The following TEX11 variants were observed in gnomAD, a reference collection of about 807,000 sequenced individuals.
TEX11 encodes testis-expressed protein 11.
TEX11 carries 7 observed loss-of-function variants against 84.4 expected under a neutral mutation model. That is an observed-to-expected ratio of 0.08 (90% CI 0.05 to 0.16). The LOEUF (loss-of-function observed/expected upper bound fraction) is 0.16, where lower values mean the gene tolerates loss of function less well. TEX11 is among the 10% of genes least tolerant of loss of function. The probability of loss-of-function intolerance (pLI) is 1.00; values close to 1 mark genes in which losing one functional copy is unlikely to be tolerated. For synonymous variants in TEX11, 264 were observed against 222.8 expected, an observed-to-expected ratio of 1.18 and a Z score of -1.64; for missense variants, 551 against 660.5, an observed-to-expected ratio of 0.83 and a Z score of 1.82.
At chrX:70,775,708 G>A (rs1187299044) in intron 9 of TEX11, among the ~76,000 whole-genome samples, 1 of 102,981 alleles carries the variant, frequency 9.7e-6, no homozygotes, top group East Asian at 3.3e-4. Flanking sequence ...GCTGAGGCAG[G>A]AGAATCGCCT....
intron 17 of TEX11, among the ~76,000 whole-genome samples, chrX:70,639,998 G>A (rs5980723): frequency 0.2 from 21,171 of 108,497 alleles, 1,648 homozygotes; most frequent in African/African-American, 0.21. Context: ...TCAAACCAAA[G>A]GCAAAGAAGT....
intron 13 of TEX11, among the ~76,000 whole-genome samples, chrX:70,685,622 A>C (rs2090181907): frequency 1.8e-5 from 2 of 112,255 alleles, no homozygotes; most frequent in Admixed American, 1.9e-4. Flanking sequence ...GGACTATGTC[A>C]AACTAAAAAG....
intron 13 of TEX11, among the ~76,000 whole-genome samples, chrX:70,689,641 T>C (rs2090217659): frequency 8.9e-6 from 1 of 112,038 alleles, no homozygotes; most frequent in Admixed American, 9.5e-5. Context: ...AAAAATGTAG[T>C]ATTGAATTAT....
chrX:70,826,807 T>TG (rs2091349293), intron 8 of TEX11, among the ~76,000 whole-genome samples: 1 of 111,338 alleles, frequency 9.0e-6, no homozygotes, highest in Admixed American at 9.6e-5. Context: ...TGAAGTGCTC[T>TG]GGGGTCCTAC....
chrX:70,672,004 T>G, intron 15 of TEX11, among the ~76,000 whole-genome samples: 1 of 105,818 alleles, frequency 9.5e-6, no homozygotes, highest in Non-Finnish European at 1.9e-5. Flanking sequence ...ATCCAGTTCA[T>G]TCTGGTCTCT....
At chrX:70,825,202 C>T (rs1432011102) in intron 8 of TEX11, among the ~76,000 whole-genome samples, 1 of 110,037 alleles carries the variant, frequency 9.1e-6, no homozygotes, top group South Asian at 3.9e-4. Context: ...ATCCCAGCTA[C>T]TAGGGAGGCT....
At chrX:70,788,683 GAA>G (rs1343830526) in intron 9 of TEX11, among the ~76,000 whole-genome samples, 1 of 41,302 alleles carries the variant, frequency 2.4e-5, no homozygotes, top group African/African-American at 8.6e-5. Context: ...AATCTCTTGG[GAA>G]ACACACACAC....
chrX:70,554,363 T>C (rs1342967559), intron 26 of TEX11, among the ~76,000 whole-genome samples: 1 of 111,560 alleles, frequency 9.0e-6, no homozygotes, highest in African/African-American at 3.3e-5. Context: ...CAGAAAAAAT[T>C]TGAGCACCTA....
rs751724349 is a variant in TEX11, at chrX:70,601,743, C to T, written c.2067+3658G>A. Among the ~76,000 whole-genome samples the T allele has an allele frequency of 2.7e-3, 264 of 96,943 alleles. 3 individuals are homozygous for T. Among genetic ancestry groups the T allele is most frequent in the African/African-American group, 9.2e-3 (243 of 26,297 alleles). 84.2% of individuals were successfully genotyped at this position (96,943 alleles called of 115,157 possible). On this transcript the variant is annotated intron_variant, in intron 24 of 29. Transcript: ENST00000374333. The stretch of plus-strand genomic sequence containing the variant: ...ATTAGGGAGTGGTGATGACTCTTAA[C>T]GAGCATGCTGCCTTCAAGCATCTGT...
intron 9 of TEX11, among the ~76,000 whole-genome samples, chrX:70,760,406 C>T (rs1883053864): frequency 9.0e-6 from 1 of 111,326 alleles, no homozygotes; most frequent in Admixed American, 9.6e-5. Flanking sequence ...ATACTGGTAC[C>T]AAAACAGAGA....
At chrX:70,709,391 T>C (rs1212898083) in intron 13 of TEX11, among the ~76,000 whole-genome samples, 1 of 111,531 alleles carries the variant, frequency 9.0e-6, no homozygotes, top group Non-Finnish European at 1.9e-5. Context: ...ATATTGTACC[T>C]ATCTCTTTTT....
intron 11 of TEX11, among the ~76,000 whole-genome samples, chrX:70,734,876 C>T (rs533229667): frequency 6.3e-5 from 7 of 111,738 alleles, no homozygotes; most frequent in African/African-American, 2.3e-4. Context: ...CCACAGCTAA[C>T]ACCATACTTA....
intron 13 of TEX11, among the ~76,000 whole-genome samples, chrX:70,692,542 G>A (rs748163979): frequency 2.0e-4 from 22 of 110,798 alleles, no homozygotes; most frequent in Non-Finnish European, 3.0e-4. Context: ...CTTGTGACTA[G>A]CTTATTTCAC....
intron 11 of TEX11, among the ~76,000 whole-genome samples, chrX:70,737,767 C>A (rs2090706897): frequency 9.1e-6 from 1 of 109,976 alleles, no homozygotes; most frequent in Non-Finnish European, 1.9e-5. Flanking sequence ...ACCTAACACT[C>A]ATAATGATGT....
chrX:70,731,148 A>G (rs188551665), intron 11 of TEX11, among the ~76,000 whole-genome samples: 1 of 112,118 alleles, frequency 8.9e-6, no homozygotes, highest in Non-Finnish European at 1.9e-5. Flanking sequence ...GGACACATTC[A>G]AAGCAGTGTG....
chrX:70,574,063 C>T (rs762117699), intron 25 of TEX11, among the ~76,000 whole-genome samples: 1 of 111,930 alleles, frequency 8.9e-6, no homozygotes, highest in East Asian at 2.8e-4. Flanking sequence ...AAAACTAAAG[C>T]CTTTTCTCTA....
intron 16 of TEX11, among the ~76,000 whole-genome samples, 174 bp from the exon 17 acceptor site, chrX:70,651,726 GT>G (rs1156881980): frequency 1.2e-3 from 137 of 111,706 alleles, no homozygotes; most frequent in Admixed American, 4.1e-3. Flanking sequence ...GCAACAGTGA[GT>G]TATACTTCTG....
chrX:70,551,683 C>G (rs1163684058), intron 28 of TEX11, among the ~76,000 whole-genome samples: 1 of 111,683 alleles, frequency 9.0e-6, no homozygotes, highest in Non-Finnish European at 1.9e-5. Context: ...AATTTTAAAA[C>G]AACTGAATAA....
At chrX:70,517,957 C>T in the TEX11 span, among the ~76,000 whole-genome samples, 111 of 110,329 alleles carry the variant, frequency 1.0e-3, no homozygotes, top group Non-Finnish European at 1.8e-3. Flanking sequence ...TCTGTGGGAT[C>T]GGTGGTGATA....
Sources: allele counts gnomAD v4.1 joint callset (sites outside exome capture counted in the v4.1 genomes callset), GRCh38; gene constraint gnomAD v4.1.1; transcripts MANE v1.5; gene names NCBI Gene and HGNC (gene_info 2026-07-23, HGNC 2026-07-21).